The following S1PR3 variants were observed in gnomAD, a reference collection of about 807,000 sequenced individuals.
S1PR3 encodes the protein sphingosine 1-phosphate receptor 3.
In S1PR3, 12 loss-of-function variants were observed where a neutral mutation model predicts 13.3. The ratio of observed to expected loss-of-function variants is 0.90; its 90% confidence interval spans 0.58 to 1.46. The LOEUF is 1.46. S1PR3 is among the 40% of genes most tolerant of loss of function. The probability of loss-of-function intolerance (pLI) is 0.00; values close to 1 mark genes in which losing one functional copy is unlikely to be tolerated. For synonymous variants in S1PR3, 232 were observed against 214.0 expected (o/e 1.08, Z -0.73); for missense variants, 450 against 501.9 (o/e 0.90, Z 0.99).
intron 1 of S1PR3, chr9:88,997,459 A>G (rs1399615358): frequency 6.6e-6 from 1 of 152,216 alleles, no homozygotes; most frequent in Admixed American, 6.5e-5. Context: ...TTCAGAGGAG[A>G]CAGGACATGT....
rs749215877 is a variant in S1PR3, at chr9:89,001,273, G to T, written c.73G>T (p.Val25Leu). The T allele has an allele frequency of 6.2e-7, 1 of 1,614,176 alleles. No homozygotes were observed. Among genetic ancestry groups the T allele is most frequent in the African/African-American group, 1.3e-5 (1 of 75,052 alleles). ...NETLREHYQY[V>L]GKLAGRLKEA... is the part of the protein sequence containing the mutation. ...GACCCTGCGGGAGCATTACCAGTAC[G>T]TGGGGAAGTTGGCGGGCAGGCTGAA... Residue 25 changes from valine (V) to leucine (L), a missense_variant, in exon 2 of 2, where the codon GTG becomes TTG. Coordinates refer to ENST00000358157, the MANE Select transcript of S1PR3 (RefSeq NM_005226.4).
chr9:88,991,796 G>A lies in S1PR3; in HGVS notation c.-148+101G>A, dbSNP rs769865370. ...ATCCCCACCGATCCCGGGCGCGACG[G>A]GGACTTGGGCGCGCCACGGCGGCCG... On this transcript the variant is annotated intron_variant, in intron 1 of 1. Coordinates refer to ENST00000358157, the MANE Select transcript of S1PR3 (RefSeq NM_005226.4). The surrounding 1 kb of genome is among the most constrained non-coding windows in gnomAD (Gnocchi z 4.0). The A allele has an allele frequency of 1.0e-5, 16 of 1,602,214 alleles. No individual in the cohort carries two copies. The highest frequency in any genetic ancestry group is 1.4e-5 in the Non-Finnish European group (16 of 1,173,892).
At chr9:88,991,437 TG>T (rs1486562297), upstream of S1PR3, 30 of 1,539,596 alleles carry the variant, frequency 1.9e-5, no homozygotes, top group Non-Finnish European at 2.6e-5. The surrounding 1 kb of genome is among the most constrained non-coding windows in gnomAD (Gnocchi z 4.0). Flanking sequence ...GGCGGGCCGC[TG>T]GAAAAGTTTA....
rs1375410835 is a variant in S1PR3, at chr9:89,001,212, CCTCCCGCCGCGT to C, written c.17_28del (p.Pro6_Leu9del). The C allele has an allele frequency of 1.2e-6, 2 of 1,612,472 alleles. No homozygotes were observed. Among genetic ancestry groups the C allele is most frequent in the Admixed American group, 3.3e-5 (2 of 60,004 alleles). On this transcript the variant is annotated inframe_deletion, in exon 2 of 2. Transcript: ENST00000358157. Reference sequence around the variant, plus strand: ...GTGAATGCCAAGTGATGGCAACTGCCCTCCCGCCGCGTCTCCAGCCGGTGCGGGGGAACGAGA... The same window carrying C: ...GTGAATGCCAAGTGATGGCAACTGCCCTCCAGCCGGTGCGGGGGAACGAGA...
Position 88,991,954 on chromosome 9 carries a change from A to G in S1PR3, c.-148+259A>G, listed in dbSNP as rs77871416. On this transcript the variant is annotated intron_variant, in intron 1 of 1. Coordinates refer to ENST00000358157, the MANE Select transcript of S1PR3 (RefSeq NM_005226.4). This position sits in a 1 kb window ranked among gnomAD's most constrained non-coding sequence, Gnocchi z 4.0. ...ATGAAAGTGGAGAGGCTGTTCGTGG[A>G]GAAGTTCCATCAGTCGTTTTCCTTG... The G allele has an allele frequency of 3.7e-6, 6 of 1,614,234 alleles. No individual in the cohort carries two copies. Among genetic ancestry groups the G allele is most frequent in the South Asian group, 2.2e-5 (2 of 91,088 alleles).
At position 89,002,397 on chromosome 9, in the gene S1PR3, C is replaced by G; in HGVS notation, c.*60C>G. The G allele has an allele frequency of 6.4e-7, 1 of 1,553,068 alleles. No homozygotes were observed. Among genetic ancestry groups the G allele is most frequent in the Non-Finnish European group, 8.7e-7 (1 of 1,145,976 alleles). On this transcript the variant is annotated 3_prime_UTR_variant, in exon 2 of 2. Transcript: ENST00000358157. ...TTATTTATTGCATGCGTCGCTTCCA[C>G]AGGGGCCCCTCAAGAGCTGTGACTC...
chr9:88,991,982 CAATT>C lies in S1PR3; in HGVS notation c.-148+290_-148+293del, dbSNP rs1564057030. The C allele has an allele frequency of 6.2e-7, 1 of 1,614,224 alleles. No individual in the cohort carries two copies. Among genetic ancestry groups the C allele is most frequent in the South Asian group, 1.1e-5 (1 of 91,086 alleles). ...AGTTCCATCAGTCGTTTTCCTTGGA[CAATT>C]AACAAGTTAGGCTTCCACAGTGCCA... On this transcript the variant is annotated intron_variant, in intron 1 of 1. Coordinates refer to ENST00000358157, the MANE Select transcript of S1PR3 (RefSeq NM_005226.4). The surrounding 1 kb of genome is among the most constrained non-coding windows in gnomAD (Gnocchi z 4.0).
rs147576326 is a variant in S1PR3, at chr9:89,002,010, G to T, written c.810G>T (p.Arg270Ser). 13 of 1,613,948 alleles carry T rather than the reference G, an allele frequency of 8.1e-6. No homozygotes were observed. Among genetic ancestry groups the T allele is most frequent in the Non-Finnish European group, 1.1e-5 (13 of 1,180,008 alleles). ...TCTTCCTCATTGATGTGGCCTGCAG[G>T]GTGCAGGCGTGCCCCATCCTCTTCA... ...FILFLIDVACRVQACPILFKA... is the reference protein window; with the variant it reads ...FILFLIDVACSVQACPILFKA... Residue 270 changes from arginine (R) to serine (S), a missense_variant, in exon 2 of 2, where the codon AGG becomes AGT. Coordinates refer to ENST00000358157, the MANE Select transcript of S1PR3 (RefSeq NM_005226.4).
intron 1 of S1PR3, chr9:88,999,536 C>G (rs777291089): frequency 4.6e-5 from 7 of 152,198 alleles, no homozygotes; most frequent in African/African-American, 7.2e-5. Context: ...CAGAGTCAAT[C>G]ACACCCTAAA....
At position 89,004,636 on chromosome 9, in the gene S1PR3, G is replaced by A; in HGVS notation, c.*2299G>A. On this transcript the variant is annotated 3_prime_UTR_variant, in exon 2 of 2. Coordinates refer to ENST00000358157, the MANE Select transcript of S1PR3 (RefSeq NM_005226.4). ...AGCCTTCATCCATTAACTCTACTAGGGAGCCCACAGCCACCATTTCCACTA... is the reference window on the plus strand; with the variant it reads ...AGCCTTCATCCATTAACTCTACTAGAGAGCCCACAGCCACCATTTCCACTA... The A allele has an allele frequency of 6.0e-6, 1 of 166,934 alleles. No homozygotes were observed. Among genetic ancestry groups the A allele is most frequent in the Middle Eastern group, 3.1e-3 (1 of 318 alleles). 10.3% of individuals were successfully genotyped at this position (166,934 alleles called of 1,614,324 possible). A position where few individuals can be genotyped will look rare whatever the true frequency, so the allele number is the denominator to read the frequency against.
chr9:89,002,339 C>A lies in S1PR3; in HGVS notation c.*2C>A. Reference sequence around the variant, plus strand: ...CAGAATGGGATCTTCTGCAACTGATCGTCTCCATGCGCCCTGCTCTGCGGC... The same window carrying A: ...CAGAATGGGATCTTCTGCAACTGATAGTCTCCATGCGCCCTGCTCTGCGGC... On this transcript the variant is annotated 3_prime_UTR_variant, in exon 2 of 2. Transcript: ENST00000358157. 1.2e-6 allele frequency: 2 copies of A among 1,613,430 alleles called. No individual in the cohort carries two copies. Among genetic ancestry groups the A allele is most frequent in the South Asian group, 1.1e-5 (1 of 91,024 alleles).
Position 89,001,971 on chromosome 9 carries a change from C to A in S1PR3, c.771C>A (p.Ser257=). Residue 257 remains serine (S), a synonymous_variant, in exon 2 of 2, where the codon TCC becomes TCA. Transcript: ENST00000358157. The stretch of plus-strand genomic sequence containing the variant: ...TGAGCGTGTTCATCGCCTGCTGGTC[C>A]CCACTCTTCATCCTCTTCCTCATTG... ...IVVSVFIACW[S]PLFILFLIDV... is the part of the protein sequence containing the mutation. 1 of 1,614,160 alleles carries A rather than the reference C, an allele frequency of 6.2e-7. No individual in the cohort carries two copies. The highest frequency in any genetic ancestry group is 8.5e-7 in the Non-Finnish European group (1 of 1,180,042).
Position 88,991,610 on chromosome 9 carries a change from C to T in S1PR3, c.-233C>T. The T allele has an allele frequency of 6.5e-7, 1 of 1,541,530 alleles. No individual in the cohort carries two copies. The highest frequency in any genetic ancestry group is 2.5e-5 in the East Asian group (1 of 39,918). ...CTGCCGGGCCTCCCAGCCCATCTGG[C>T]ATTCGAGCGCAGGACCGGGCGCCCC... On this transcript the variant is annotated 5_prime_UTR_variant, in exon 1 of 2. Coordinates refer to ENST00000358157, the MANE Select transcript of S1PR3 (RefSeq NM_005226.4). This position sits in a 1 kb window ranked among gnomAD's most constrained non-coding sequence, Gnocchi z 4.0.
upstream of S1PR3, chr9:88,990,906 C>G (rs7048483): frequency 1.9e-5 from 29 of 1,524,120 alleles, no homozygotes; most frequent in Non-Finnish European, 2.4e-5. Flanking sequence ...GGGACCCGCG[C>G]GGAAAAGGAA....
At chr9:88,990,973 G>A (rs1327464762), upstream of S1PR3, 1 of 1,611,844 alleles carries the variant, frequency 6.2e-7, no homozygotes, top group South Asian at 1.1e-5. Context: ...GCCCAAGCCG[G>A]TGCTCGGCCA....
Position 89,001,432 on chromosome 9 carries a change from A to G in S1PR3, c.232A>G (p.Ile78Val), listed in dbSNP as rs768405364. ...NKFHNRMYFF[I>V]GNLALCDLLA... ...ATTTCACAACCGCATGTACTTTTTC[A>G]TTGGCAACCTGGCTCTCTGCGACCT... The change falls in exon 2 of 2, where the codon ATT becomes GTT. Residue 78 changes from isoleucine (I) to valine (V), a missense_variant. Transcript: ENST00000358157. 7 of 1,614,192 alleles carry G rather than the reference A, an allele frequency of 4.3e-6. No homozygotes were observed. The South Asian group carries it at 6.6e-5, about 15-fold the overall frequency.
At position 88,991,714 on chromosome 9, in the gene S1PR3, C is replaced by A; in HGVS notation, c.-148+19C>A. 3.3e-6 allele frequency: 5 copies of A among 1,526,170 alleles called. No homozygotes were observed. The highest frequency in any genetic ancestry group is 4.4e-6 in the Non-Finnish European group (5 of 1,135,726). The allele number at this position is 1,526,170 out of a possible 1,614,324, so 94.5% of individuals were successfully genotyped here. The stretch of plus-strand genomic sequence containing the variant: ...GACGGAGGTGAGAGGCGGGCCCGGG[C>A]GGGGCGCGGAACCAGGGTGGGGGGC... On this transcript the variant is annotated intron_variant, in intron 1 of 1. Transcript: ENST00000358157. The surrounding 1 kb of genome is among the most constrained non-coding windows in gnomAD (Gnocchi z 4.0).
Position 89,002,565 on chromosome 9 carries a change from CT to C in S1PR3, c.*229del. The C allele has an allele frequency of 1.7e-6, 1 of 597,042 alleles. No individual in the cohort carries two copies. Among genetic ancestry groups the C allele is most frequent in the Non-Finnish European group, 3.0e-6 (1 of 329,162 alleles). The allele number at this position is 597,042 out of a possible 1,614,324, so 37.0% of individuals were successfully genotyped here. On this transcript the variant is annotated 3_prime_UTR_variant, in exon 2 of 2. Transcript: ENST00000358157. The stretch of plus-strand genomic sequence containing the variant: ...TCCAGAGTCTTTCAGATGTACTAAG[CT>C]GCTGACATCATCCACTGCCTTCTGC...
chr9:89,002,298 C>A lies in S1PR3; in HGVS notation c.1098C>A (p.Asp366Glu), dbSNP rs1825879718. ...CAGCCCCCTCATCCTGCATCATGGACAAGAACGCAGCACTTCAGAATGGGA... is the reference window on the plus strand; with the variant it reads ...CAGCCCCCTCATCCTGCATCATGGAAAAGAACGCAGCACTTCAGAATGGGA... ...PHTAPSSCIMDKNAALQNGIF... is the reference protein window; with the variant it reads ...PHTAPSSCIMEKNAALQNGIF... Residue 366 changes from aspartate (D) to glutamate (E), a missense_variant, in exon 2 of 2, where the codon GAC becomes GAA. Transcript: ENST00000358157. 1.9e-6 allele frequency: 3 copies of A among 1,614,026 alleles called. No individual in the cohort carries two copies. In the Admixed American group the frequency reaches 5.0e-5, roughly 27 times the overall value.
Sources: gnomAD v4.1 joint callset for allele counts on GRCh38, gnomAD v4.1.1 for gene constraint, Gnocchi (gnomAD v3.1) non-coding constraint, MANE v1.5 for transcripts, NCBI Gene and HGNC (gene_info 2026-07-23, HGNC 2026-07-21) for gene names.